Variants in SLC9A9 observed in about 807,000 individuals in gnomAD.
The protein encoded by SLC9A9 is solute carrier family 9 member A9.
A neutral mutation model predicts 77.8 loss-of-function variants in SLC9A9; 62 were observed. The observed-to-expected ratio is 0.80, with a 90% confidence interval of 0.65 to 0.98. SLC9A9 has a LOEUF of 0.98. Ranked by LOEUF, SLC9A9 falls within the 50% of genes least tolerant of loss-of-function variation. The pLI, the probability that SLC9A9 is intolerant of heterozygous loss-of-function variation, is 0.00. For synonymous variants in SLC9A9, 320 were observed against 283.5 expected (o/e 1.13, Z -1.29); for missense variants, 775 against 774.9 (o/e 1.00, Z 0.00).
At chr3:143,347,564 ACC>A (rs2032324426) in intron 14 of SLC9A9, among the ~76,000 whole-genome samples, 1 of 152,138 alleles carries the variant, frequency 6.6e-6, no homozygotes, top group Admixed American at 6.6e-5. Flanking sequence ...AGGAAAGGGC[ACC>A]CGGATAGGGG....
At chr3:143,482,738 G>A (rs929167117) in intron 11 of SLC9A9, among the ~76,000 whole-genome samples, 14 of 152,208 alleles carry the variant, frequency 9.2e-5, no homozygotes, top group Non-Finnish European at 1.8e-4. Flanking sequence ...ATAGATTTGA[G>A]TTAAAACAAG....
chr3:143,277,105 G>A (rs1316798573), intron 14 of SLC9A9, among the ~76,000 whole-genome samples: 2 of 152,128 alleles, frequency 1.3e-5, no homozygotes, highest in Non-Finnish European at 2.9e-5. Flanking sequence ...CAGTGGAGTT[G>A]GTTGGAAAAG....
At chr3:143,752,648 T>A (rs552566894) in intron 4 of SLC9A9, among the ~76,000 whole-genome samples, 1 of 151,944 alleles carries the variant, frequency 6.6e-6, no homozygotes, top group East Asian at 1.9e-4. Flanking sequence ...CCGCAACTCT[T>A]GAAAGGGTAC....
rs779471356 is a variant in SLC9A9 at position 143,266,896 on chromosome 3, C to A, written c.1744G>T (p.Val582Leu). ...TTTATGGCTAGTTCATCCTGGTTTA[C>A]AATGCATTCCACATCATCCTCTTTT... ...QLKEDDVECI[V>L]NQDELAINYQ... The change falls in exon 16 of 16, where the codon GTA becomes TTA. Residue 582 changes from valine (V) to leucine (L), a missense_variant. Transcript: ENST00000316549. 13 of 1,613,894 alleles carry A rather than the reference C, an allele frequency of 8.1e-6. No homozygotes were observed.
intron 4 of SLC9A9, among the ~76,000 whole-genome samples, chr3:143,735,322 C>A (rs1229969668): frequency 6.6e-6 from 1 of 152,092 alleles, no homozygotes; most frequent in Non-Finnish European, 1.5e-5. Context: ...GACTCCTGTC[C>A]TTTGGGGAAT....
chr3:143,339,905 G>T (rs2032045522), intron 14 of SLC9A9, among the ~76,000 whole-genome samples: 1 of 151,982 alleles, frequency 6.6e-6, no homozygotes, highest in African/African-American at 2.4e-5. Context: ...CGAATGATGG[G>T]GTGTGCTATG....
intron 14 of SLC9A9, among the ~76,000 whole-genome samples, chr3:143,297,084 G>T (rs1289994592): frequency 1.3e-5 from 2 of 152,112 alleles, no homozygotes; most frequent in African/African-American, 4.8e-5. Flanking sequence ...TCATATCCAA[G>T]AAATCACTCT....
intron 6 of SLC9A9, among the ~76,000 whole-genome samples, chr3:143,624,668 C>G (rs576990136): frequency 7.0e-4 from 107 of 152,184 alleles, no homozygotes; most frequent in Middle Eastern, 3.4e-3. Context: ...CATACTGAAT[C>G]GGCAAAAACT....
intron 9 of SLC9A9, among the ~76,000 whole-genome samples, chr3:143,530,680 C>A (rs908963918): frequency 1.4e-5 from 2 of 146,114 alleles, no homozygotes. Context: ...CAAACAAAAA[C>A]CAAAAACACT....
intron 3 of SLC9A9, among the ~76,000 whole-genome samples, chr3:143,795,298 A>AAAAAAAAC (rs773512846): frequency 1.4e-5 from 2 of 140,284 alleles, no homozygotes; most frequent in South Asian, 2.4e-4. Flanking sequence ...AAAAAAAAAA[A>AAAAAAAAC]AACCCACTGG....
At chr3:143,538,133 A>G (rs2108627491) in intron 9 of SLC9A9, among the ~76,000 whole-genome samples, 1 of 152,346 alleles carries the variant, frequency 6.6e-6, no homozygotes, top group East Asian at 1.9e-4. Context: ...TCTACAGGCC[A>G]GTATATCCAA....
chr3:143,426,980 A>AGG (rs1455468594), intron 12 of SLC9A9, among the ~76,000 whole-genome samples: 2 of 152,232 alleles, frequency 1.3e-5, no homozygotes, highest in Non-Finnish European at 2.9e-5. Context: ...GCCCACACTT[A>AGG]ACAGCCGCTA....
chr3:143,389,795 A>G (rs1403433573), intron 12 of SLC9A9, among the ~76,000 whole-genome samples: 1 of 152,248 alleles, frequency 6.6e-6, no homozygotes, highest in Non-Finnish European at 1.5e-5. Context: ...GGGAATATTC[A>G]TGGAAGCTGG....
chr3:143,683,185 G>A (rs1933157556), intron 5 of SLC9A9, among the ~76,000 whole-genome samples: 1 of 152,124 alleles, frequency 6.6e-6, no homozygotes, highest in South Asian at 2.1e-4. Flanking sequence ...GATGAAATAA[G>A]TAGCAGCTTA....
At chr3:143,743,521 G>A (rs971744689) in intron 4 of SLC9A9, among the ~76,000 whole-genome samples, 1 of 152,142 alleles carries the variant, frequency 6.6e-6, no homozygotes, top group Non-Finnish European at 1.5e-5. Context: ...GTCCAAAGGT[G>A]GGGGAAGAGT....
At chr3:143,483,944 A>C (rs1253742125) in intron 11 of SLC9A9, among the ~76,000 whole-genome samples, 1 of 152,200 alleles carries the variant, frequency 6.6e-6, no homozygotes, top group African/African-American at 2.4e-5. Context: ...ATACCTACCC[A>C]AGAAAGTGCA....
intron 4 of SLC9A9, among the ~76,000 whole-genome samples, chr3:143,711,007 A>T (rs551510153): frequency 6.6e-6 from 1 of 152,324 alleles, no homozygotes; most frequent in East Asian, 1.9e-4. Context: ...TCAAATTAGG[A>T]TGTTACACTA....
intron 2 of SLC9A9, among the ~76,000 whole-genome samples, chr3:143,808,450 A>G (rs2008780862): frequency 6.6e-6 from 1 of 152,178 alleles, no homozygotes; most frequent in Non-Finnish European, 1.5e-5. Context: ...TTTATAATTG[A>G]TTCTGGGCTC....
chr3:143,343,692 C>G (rs2032177653), intron 14 of SLC9A9: 1 of 152,164 alleles, frequency 6.6e-6, no homozygotes, highest in African/African-American at 2.4e-5. Context: ...TTTTAGTCTG[C>G]TATTCATACA....
Sources: allele counts gnomAD v4.1 joint callset (sites outside exome capture counted in the v4.1 genomes callset), GRCh38; gene constraint gnomAD v4.1.1; transcripts MANE v1.5; gene names NCBI Gene and HGNC (gene_info 2026-07-23, HGNC 2026-07-21).